ZNF385D: variants seen among roughly 807,000 people sequenced by gnomAD.
ZNF385D encodes the protein zinc finger protein 659.
A neutral mutation model predicts 35.8 loss-of-function variants in ZNF385D; 15 were observed. The observed-to-expected ratio is 0.42, with a 90% confidence interval of 0.28 to 0.64. The LOEUF (loss-of-function observed/expected upper bound fraction) is 0.64. Among genes scored for constraint, ZNF385D ranks in the 30% least tolerant of loss-of-function variants. The probability of loss-of-function intolerance (pLI) is 0.23; values close to 1 mark genes in which losing one functional copy is unlikely to be tolerated. For missense variants in ZNF385D, 474 were observed against 494.6 expected (o/e 0.96, Z 0.39); for synonymous variants, 212 against 186.8 (o/e 1.13, Z -1.10).
intron 2 of ZNF385D, among the ~76,000 whole-genome samples, chr3:22,249,561 T>C (rs1416333798): frequency 2.6e-5 from 4 of 152,186 alleles, no homozygotes; most frequent in Non-Finnish European, 5.9e-5. Context: ...ATGCATATCT[T>C]ACCATGCATC....
chr3:21,783,049 T>C (rs1281189415), intron 3 of ZNF385D, among the ~76,000 whole-genome samples: 1 of 152,148 alleles, frequency 6.6e-6, no homozygotes, highest in Non-Finnish European at 1.5e-5. Flanking sequence ...TCTTGCTAGA[T>C]CTTCACGATT....
intron 2 of ZNF385D, among the ~76,000 whole-genome samples, chr3:22,216,940 T>G (rs1244281169): frequency 6.6e-6 from 1 of 152,160 alleles, no homozygotes; most frequent in African/African-American, 2.4e-5. Context: ...AAATCAACAC[T>G]GGAGAGAGAA....
chr3:22,296,809 C>T (rs549677810), intron 2 of ZNF385D, among the ~76,000 whole-genome samples: 1 of 152,248 alleles, frequency 6.6e-6, no homozygotes, highest in South Asian at 2.1e-4. Flanking sequence ...TGGTTGGCTT[C>T]TCTGGAGAGC....
In ZNF385D at chr3:22,024,223, G is replaced by A. The variant is rs954633411; in HGVS notation, c.325+144594C>T. On this transcript the variant is annotated intron_variant, in intron 3 of 5. Coordinates refer to the ZNF385D transcript ENST00000494108. ...TCTAAGTTCTTCAGTTTGGGCACTT[G>A]GACTGGCTCTCCTTGCTCCTCAACT... 2.6e-5 allele frequency among the ~76,000 whole-genome samples: 4 copies of A among 152,248 alleles called. No individual in the cohort carries two copies. In the South Asian group the frequency reaches 8.3e-4, roughly 32 times the overall value.
intron 3 of ZNF385D, among the ~76,000 whole-genome samples, chr3:22,123,267 G>A (rs915559941): frequency 6.6e-6 from 1 of 152,048 alleles, no homozygotes; most frequent in Non-Finnish European, 1.5e-5. Context: ...CTTAAAGTGA[G>A]AAGTTCAAGA....
intron 3 of ZNF385D, among the ~76,000 whole-genome samples, chr3:21,985,150 C>T (rs1456783281): frequency 5.3e-5 from 5 of 95,090 alleles, no homozygotes; most frequent in South Asian, 1.1e-3. Flanking sequence ...TAATTGAATA[C>T]CCTTTATTTC....
intron 3 of ZNF385D, among the ~76,000 whole-genome samples, chr3:22,016,711 C>T (rs7623969): frequency 0.072 from 10,972 of 151,924 alleles, 443 homozygotes; most frequent in African/African-American, 0.1. Context: ...TCTGGACTTC[C>T]AATTTACTTT....
At chr3:21,443,297 C>T in intron 4 of ZNF385D, 1 of 985,356 alleles carries the variant, frequency 1.0e-6, no homozygotes, top group Non-Finnish European at 1.2e-6. Context: ...ATTCTTTATT[C>T]TCCAGGTCCC....
intron 3 of ZNF385D, among the ~76,000 whole-genome samples, chr3:21,845,425 T>C (rs73044707): frequency 0.071 from 10,795 of 152,040 alleles, 554 homozygotes; most frequent in East Asian, 0.21. Context: ...TTCTTCTCCT[T>C]CTCTTTCTTC....
chr3:22,346,098 T>C lies in ZNF385D; in HGVS notation c.106+26352A>G, dbSNP rs1438814886. On this transcript the variant is annotated intron_variant, in intron 2 of 5. Coordinates refer to the ZNF385D transcript ENST00000494108. ...CAATGAGCTGAAAATGGAAATTGAATGTCTGCTTTACTCCCTTGGCACTCC... is the reference window on the plus strand; with the variant it reads ...CAATGAGCTGAAAATGGAAATTGAACGTCTGCTTTACTCCCTTGGCACTCC... Among the ~76,000 whole-genome samples, 7 of 152,210 alleles carry C rather than the reference T, an allele frequency of 4.6e-5. No individual in the cohort carries two copies. In the East Asian group the frequency reaches 1.2e-3, roughly 25 times the overall value.
chr3:21,816,016 G>C (rs1170813733), intron 3 of ZNF385D, among the ~76,000 whole-genome samples: 1 of 152,120 alleles, frequency 6.6e-6, no homozygotes, highest in Non-Finnish European at 1.5e-5. Flanking sequence ...GGGATGCAAG[G>C]CGGGTTCAAC....
intron 4 of ZNF385D, among the ~76,000 whole-genome samples, chr3:21,456,121 C>A (rs933117777): frequency 6.6e-6 from 1 of 152,112 alleles, no homozygotes; most frequent in Non-Finnish European, 1.5e-5. Flanking sequence ...AATAGGAACA[C>A]TTTTACACTG....
intron 2 of ZNF385D, among the ~76,000 whole-genome samples, chr3:22,295,329 T>A (rs912929956): frequency 3.9e-5 from 6 of 152,132 alleles, no homozygotes; most frequent in Non-Finnish European, 5.9e-5. Flanking sequence ...ACACATGAGA[T>A]GTAGAATAGG....
intron 3 of ZNF385D, among the ~76,000 whole-genome samples, chr3:22,121,260 A>G (rs1473057564): frequency 3.9e-5 from 6 of 152,166 alleles, no homozygotes; most frequent in Admixed American, 3.3e-4. Context: ...CACAAAGACA[A>G]ATAGATCAAT....
At chr3:21,981,459 A>T (rs1694446065) in intron 3 of ZNF385D, among the ~76,000 whole-genome samples, 1 of 152,094 alleles carries the variant, frequency 6.6e-6, no homozygotes, top group African/African-American at 2.4e-5. Flanking sequence ...TAGATGCTGG[A>T]TGTTACACCT....
chr3:21,920,192 G>A (rs930163639), intron 3 of ZNF385D, among the ~76,000 whole-genome samples: 2 of 152,144 alleles, frequency 1.3e-5, no homozygotes, highest in African/African-American at 2.4e-5. Context: ...TTTAGAGAAA[G>A]TATACTGACC....
At position 22,348,514 on chromosome 3, in the gene ZNF385D, A is replaced by G. The variant is rs1695765182; in HGVS notation, c.106+23936T>C. On this transcript the variant is annotated intron_variant, in intron 2 of 5. Coordinates refer to the ZNF385D transcript ENST00000494108. ...AAAAAAAAAAAAAAAAAAATACAAA[A>G]TTAGCCAAGTGTGGTGGTGCATGCC... Among the ~76,000 whole-genome samples, 3 of 149,850 alleles carry G rather than the reference A, an allele frequency of 2.0e-5. No homozygotes were observed. In the South Asian group the frequency reaches 6.3e-4, roughly 31 times the overall value.
intron 3 of ZNF385D, among the ~76,000 whole-genome samples, chr3:21,840,606 T>C (rs992122125): frequency 6.6e-6 from 1 of 152,058 alleles, no homozygotes; most frequent in African/African-American, 2.4e-5. Context: ...TGAATGCATT[T>C]GGGATTTGGC....
At chr3:22,090,469 G>A (rs1701271101) in intron 3 of ZNF385D, among the ~76,000 whole-genome samples, 1 of 151,868 alleles carries the variant, frequency 6.6e-6, no homozygotes. Context: ...GCATGGTGTG[G>A]GATAGATTTT....
Sources: allele counts gnomAD v4.1 joint callset (sites outside exome capture counted in the v4.1 genomes callset), GRCh38; gene constraint gnomAD v4.1.1; transcripts MANE v1.5; gene names NCBI Gene and HGNC (gene_info 2026-07-23, HGNC 2026-07-21).